Variants in DOK5 observed in about 807,000 individuals in gnomAD.
The protein encoded by DOK5 is downstream of tyrosine kinase 5.
Under a neutral mutation model 43.3 loss-of-function variants are expected in DOK5, and 27 were observed. The observed-to-expected ratio is 0.62, with a 90% CI of 0.46 to 0.86. The LOEUF (loss-of-function observed/expected upper bound fraction) is 0.86. DOK5 is among the 40% of genes least tolerant of loss of function. DOK5 has a pLI of 0.00. For missense variants in DOK5, 373 were observed against 392.9 expected (o/e 0.95, Z 0.43); for synonymous variants, 146 against 140.1 (o/e 1.04, Z -0.30).
At chr20:54,538,040 T>C (rs1263475068) in intron 1 of DOK5, among the ~76,000 whole-genome samples, 1 of 151,862 alleles carries the variant, frequency 6.6e-6, no homozygotes, top group East Asian at 1.9e-4. Flanking sequence ...GGTTTCACCA[T>C]GTTGGTCAGG....
At chr20:54,612,715 A>G (rs536604638) in intron 6 of DOK5, among the ~76,000 whole-genome samples, 2 of 152,124 alleles carry the variant, frequency 1.3e-5, no homozygotes, top group Non-Finnish European at 2.9e-5. Context: ...TATATATCCT[A>G]TTTACTCTGT....
chr20:54,530,026 T>A (rs137994725), intron 1 of DOK5, among the ~76,000 whole-genome samples: 23 of 152,366 alleles, frequency 1.5e-4, no homozygotes, highest in African/African-American at 4.8e-4. Flanking sequence ...TCTCTTTTTA[T>A]ATATTTTAAG....
intron 6 of DOK5, among the ~76,000 whole-genome samples, chr20:54,614,914 G>A (rs1986758633): frequency 6.6e-6 from 1 of 152,150 alleles, no homozygotes; most frequent in Admixed American, 6.5e-5. Flanking sequence ...CTCGGTTATT[G>A]TTTTGCCTTT....
chr20:54,528,691 T>C (rs1278291030), intron 1 of DOK5, among the ~76,000 whole-genome samples: 1 of 152,228 alleles, frequency 6.6e-6, no homozygotes, highest in African/African-American at 2.4e-5. Flanking sequence ...CCGAGGGTTT[T>C]GTACTGCCAA....
At chr20:54,613,537 A>G (rs1986718162) in intron 6 of DOK5, among the ~76,000 whole-genome samples, 1 of 152,190 alleles carries the variant, frequency 6.6e-6, no homozygotes, top group African/African-American at 2.4e-5. Context: ...GTAGCTTTCC[A>G]GTATTTTAAC....
chr20:54,595,254 T>TG (rs539657761), intron 5 of DOK5, among the ~76,000 whole-genome samples: 3 of 151,910 alleles, frequency 2.0e-5, no homozygotes, highest in Non-Finnish European at 2.9e-5. Flanking sequence ...GGCAGGAGAA[T>TG]GCGTGAACCC....
At chr20:54,530,605 A>G (rs1475532726) in intron 1 of DOK5, among the ~76,000 whole-genome samples, 1 of 152,142 alleles carries the variant, frequency 6.6e-6, no homozygotes, top group Non-Finnish European at 1.5e-5. Flanking sequence ...AGCCTAGCCT[A>G]ATTTGGGCCA....
intron 1 of DOK5, among the ~76,000 whole-genome samples, chr20:54,515,132 T>C (rs1188224435): frequency 2.0e-5 from 3 of 152,130 alleles, no homozygotes; most frequent in East Asian, 3.9e-4. Context: ...TGCCTTAGCC[T>C]CCCGAGTAGC....
intron 6 of DOK5, among the ~76,000 whole-genome samples, chr20:54,619,056 T>C (rs1490414661): frequency 9.3e-6 from 1 of 108,000 alleles, no homozygotes; most frequent in Non-Finnish European, 1.9e-5. Flanking sequence ...TATATATATA[T>C]ATATATATAT....
At chr20:54,553,289 G>A (rs149259399) in intron 1 of DOK5, among the ~76,000 whole-genome samples, 3,122 of 152,128 alleles carry the variant, frequency 0.021, 104 homozygotes, top group African/African-American at 0.07. Flanking sequence ...TCCGCCTCCC[G>A]GGTTCACGCC....
intron 5 of DOK5, among the ~76,000 whole-genome samples, chr20:54,592,600 GCA>G (rs1568800409): frequency 4.6e-5 from 7 of 151,312 alleles, no homozygotes; most frequent in Non-Finnish European, 1.0e-4. Flanking sequence ...AGTGTAGGTG[GCA>G]CAGTCTCGGC....
intron 1 of DOK5, among the ~76,000 whole-genome samples, chr20:54,549,828 A>G (rs1417384150): frequency 6.6e-6 from 1 of 152,196 alleles, no homozygotes; most frequent in African/African-American, 2.4e-5. Context: ...GTTTCTGAAC[A>G]CATTCTTGGG....
intron 5 of DOK5, 69 bp downstream of exon 5, chr20:54,591,874 G>T: frequency 7.1e-7 from 1 of 1,405,188 alleles, no homozygotes; most frequent in Non-Finnish European, 9.7e-7. Context: ...TACCATGCTC[G>T]CATCATATGA....
chr20:54,554,251 C>T (rs892493297), intron 1 of DOK5, among the ~76,000 whole-genome samples: 1 of 152,118 alleles, frequency 6.6e-6, no homozygotes, highest in Non-Finnish European at 1.5e-5. Context: ...TCTCTTTTAC[C>T]TAGAGTAGAA....
chr20:54,626,900 AT>A (rs1283523616), intron 6 of DOK5, among the ~76,000 whole-genome samples: 13 of 152,198 alleles, frequency 8.5e-5, no homozygotes, highest in Non-Finnish European at 1.3e-4. Context: ...TATAATTTAA[AT>A]TTTATTGGAA....
intron 6 of DOK5, among the ~76,000 whole-genome samples, chr20:54,617,287 G>A (rs1986844548): frequency 6.6e-6 from 1 of 152,062 alleles, no homozygotes. Context: ...AATCATGGAA[G>A]GATTATTTTA....
chr20:54,523,611 T>G (rs1207566415), intron 1 of DOK5, among the ~76,000 whole-genome samples: 1 of 152,122 alleles, frequency 6.6e-6, no homozygotes, highest in African/African-American at 2.4e-5. Context: ...TGCCTTTTTT[T>G]GTTGTTGCTT....
At chr20:54,593,185 G>A (rs1163119980) in intron 5 of DOK5, among the ~76,000 whole-genome samples, 1 of 151,718 alleles carries the variant, frequency 6.6e-6, no homozygotes. Context: ...GTGAACCTGG[G>A]AGATGGAGCT....
intron 1 of DOK5, among the ~76,000 whole-genome samples, chr20:54,530,129 C>T (rs940633803): frequency 6.6e-6 from 1 of 152,166 alleles, no homozygotes; most frequent in African/African-American, 2.4e-5. Context: ...TTAAATCATG[C>T]ACAAGTGCCA....
Sources: gnomAD v4.1 joint callset for allele counts (sites outside exome capture counted in the v4.1 genomes callset) on GRCh38, gnomAD v4.1.1 for gene constraint, MANE v1.5 for transcripts, NCBI Gene and HGNC (gene_info 2026-07-23, HGNC 2026-07-21) for gene names.